ABCG8: variants seen among roughly 807,000 people sequenced by gnomAD.
ABCG8 encodes the protein ATP-binding cassette sub-family G member 8.
ABCG8 carries 81 observed loss-of-function variants against 71.3 expected under a neutral mutation model. That is an observed-to-expected ratio of 1.14 (90% CI 0.95 to 1.37). ABCG8 has a LOEUF of 1.37. Among genes scored for constraint, ABCG8 ranks in the 40% most tolerant of loss-of-function variants. The pLI is 0.00. For synonymous variants in ABCG8, 451 were observed against 354.7 expected, an observed-to-expected ratio of 1.27 and a Z score of -3.05; for missense variants, 1,119 against 866.2, an observed-to-expected ratio of 1.29 and a Z score of -3.66.
Position 43,875,170 on chromosome 2 carries a change from T to C in ABCG8, c.1513T>C (p.Cys505Arg), listed in dbSNP as rs1020921571. 8 of 1,614,132 alleles carry C rather than the reference T, an allele frequency of 5.0e-6. No individual in the cohort carries two copies. The highest frequency in any genetic ancestry group is 6.8e-6 in the Non-Finnish European group (8 of 1,180,056). ...GATCCTCGGGGAGCTTCCGGAGCAC[T>C]GTGCCTACATCATCATCTACGGGAT... ...AKILGELPEH[C>R]AYIIIYGMPT... Residue 505 changes from cysteine to arginine, a missense_variant, in exon 11 of 13, where the codon TGT becomes CGT. By Grantham distance (180) the Cys-to-Arg change is radical. Coordinates refer to ENST00000272286, the MANE Select transcript of ABCG8 (RefSeq NM_022437.3).
rs886056036 is a variant in ABCG8, at chr2:43,875,332, G to T, written c.1675G>T (p.Ala559Ser). Residue 559 changes from alanine (A) to serine (S), a missense_variant, in exon 11 of 13, where the codon GCC becomes TCC. Physicochemically the swap from Ala to Ser is moderately conservative, Grantham distance 99. Transcript: ENST00000272286. ...GGCCCTGCTCCCCACCTTCCACATG[G>T]CCTCCTTCTTCAGCAATGCCCTCTA... ...AAALLPTFHM[A>S]SFFSNALYNS... is the part of the protein sequence containing the mutation. The T allele has an allele frequency of 5.0e-6, 8 of 1,614,112 alleles. No homozygotes were observed. The highest frequency in any genetic ancestry group is 5.9e-6 in the Non-Finnish European group (7 of 1,180,046).
intron 6 of ABCG8, among the ~76,000 whole-genome samples, chr2:43,856,515 G>A (rs10165563): frequency 0.43 from 65,610 of 151,604 alleles, 14,990 homozygotes; most frequent in East Asian, 0.86. Context: ...TGTGGGAAGA[G>A]AACTCTCACT....
At position 43,871,846 on chromosome 2, in the gene ABCG8, G is replaced by C. The variant is rs547266056; in HGVS notation, c.965-130G>C. 11 of 1,336,912 alleles carry C rather than the reference G, an allele frequency of 8.2e-6. No individual in the cohort carries two copies. In the East Asian group the frequency reaches 2.7e-4, roughly 33 times the overall value. 82.8% of individuals were successfully genotyped at this position (1,336,912 alleles called of 1,614,324 possible). A position where few individuals can be genotyped will look rare whatever the true frequency, so the allele number is the denominator to read the frequency against. The stretch of plus-strand genomic sequence containing the variant: ...GCTCTGCCCCTTGCTTCATGGCTGA[G>C]GGTGGGGAGAATGTCCCAGAGCCCC... On this transcript the variant is annotated intron_variant, in intron 6 of 12. Transcript: ENST00000272286.
chr2:43,849,600 G>T (rs1668851944), intron 3 of ABCG8, among the ~76,000 whole-genome samples: 1 of 152,122 alleles, frequency 6.6e-6, no homozygotes, highest in Non-Finnish European at 1.5e-5. Context: ...AGATGCCACA[G>T]GCATCCTCCA....
At chr2:43,861,017 G>A (rs1669298401) in intron 6 of ABCG8, among the ~76,000 whole-genome samples, 1 of 151,334 alleles carries the variant, frequency 6.6e-6, no homozygotes, top group Non-Finnish European at 1.5e-5. Flanking sequence ...CATCTGGTTA[G>A]AATTATCACT....
At chr2:43,863,070 G>T (rs1669385917) in intron 6 of ABCG8, among the ~76,000 whole-genome samples, 1 of 150,136 alleles carries the variant, frequency 6.7e-6, no homozygotes, top group Admixed American at 6.6e-5. Context: ...TATCTATCTT[G>T]ATAGGGTTCT....
chr2:43,852,502 G>T lies in ABCG8; in HGVS notation c.694+16G>T. On this transcript the variant is annotated intron_variant, in intron 5 of 12. Transcript: ENST00000272286. ...TGGAACCCAGGTGAGGGCCTGGGGG[G>T]CAGATGGGGGCAGAGGGACCTGTGC... The T allele has an allele frequency of 1.2e-6, 2 of 1,613,428 alleles. No individual in the cohort carries two copies. Among genetic ancestry groups the T allele is most frequent in the Non-Finnish European group, 1.7e-6 (2 of 1,179,744 alleles).
rs111818129 is a variant in ABCG8 at position 43,880,667 on chromosome 2, C to T, written c.*2754C>T. The T allele has an allele frequency of 4.5e-3, 566 of 126,816 alleles. 5 individuals are homozygous for T. Among genetic ancestry groups the T allele is most frequent in the African/African-American group, 0.014 (489 of 34,324 alleles). The allele number at this position is 126,816 out of a possible 1,614,324, so 7.9% of individuals were successfully genotyped here. A position where few individuals can be genotyped will look rare whatever the true frequency, so the allele number is the denominator to read the frequency against. ...GTTAGGGAGTGTGTGTGTGTGTGCG[C>T]GCGCGCGCGCGCATGTGCATACATA... On this transcript the variant is annotated 3_prime_UTR_variant, in exon 13 of 13. Coordinates refer to ENST00000272286, the MANE Select transcript of ABCG8 (RefSeq NM_022437.3).
rs947116178 is a variant in ABCG8 at position 43,877,958 on chromosome 2, C to A, written c.*45C>A. 10 of 1,613,540 alleles carry A rather than the reference C, an allele frequency of 6.2e-6. No homozygotes were observed. Among genetic ancestry groups the A allele is most frequent in the Non-Finnish European group, 8.5e-6 (10 of 1,179,898 alleles). On this transcript the variant is annotated 3_prime_UTR_variant, in exon 13 of 13. Transcript: ENST00000272286. ...CGCTGGTGGGGGACCTGAGCAGACC[C>A]TTCAACTGCACTCCCTCCTCAGGAG...
Position 43,852,629 on chromosome 2 carries a change from G to T in ABCG8, c.725G>T (p.Gly242Val). ...CTTATTCTCGACGAACCCACCTCTG[G>T]GCTCGACAGCTTCACAGCCCACAAC... The part of the protein sequence containing the change: ...GILILDEPTS[G>V]LDSFTAHNLV... The change falls in exon 6 of 13, where the codon GGG becomes GTG. Residue 242 changes from glycine (G) to valine (V), a missense_variant. Transcript: ENST00000272286. The T allele has an allele frequency of 6.2e-7, 1 of 1,614,132 alleles. No homozygotes were observed. Among genetic ancestry groups the T allele is most frequent in the Non-Finnish European group, 8.5e-7 (1 of 1,180,028 alleles).
chr2:43,872,000 G>T lies in ABCG8; in HGVS notation c.989G>T (p.Arg330Leu). ...FYVDLTSIDR[R>L]SREQELATRE... ...GTGGACCTGACCAGCATTGACAGGC[G>T]CAGCAGAGAGCAGGAATTGGCCACC... is the stretch of plus-strand genomic sequence containing the variant. The change falls in exon 7 of 13, where the codon CGC becomes CTC. Residue 330 changes from arginine (R) to leucine (L), a missense_variant. Arg to Leu is a moderately radical substitution (Grantham distance 102). Transcript: ENST00000272286. The T allele has an allele frequency of 6.2e-7, 1 of 1,614,082 alleles. No individual in the cohort carries two copies. Among genetic ancestry groups the T allele is most frequent in the Non-Finnish European group, 8.5e-7 (1 of 1,180,040 alleles).
At chr2:43,855,909 T>C (rs1669088755) in intron 6 of ABCG8, among the ~76,000 whole-genome samples, 1 of 152,108 alleles carries the variant, frequency 6.6e-6, no homozygotes, top group African/African-American at 2.4e-5. Context: ...ATTCTCACCA[T>C]GTGTATTGAT....
At chr2:43,871,936 G>A (rs778109703) in intron 6 of ABCG8, 40 bp from the exon 7 acceptor site, 3 of 1,613,410 alleles carry the variant, frequency 1.9e-6, no homozygotes, top group Non-Finnish European at 1.7e-6. Context: ...GCAGGTGCCA[G>A]GGAACAGGCC....
chr2:43,848,376 G>T (rs1322199170), intron 3 of ABCG8: 3 of 152,156 alleles, frequency 2.0e-5, no homozygotes, highest in Admixed American at 6.5e-5. Flanking sequence ...GTTGGGTATG[G>T]ACAGGAGCTC....
chr2:43,865,972 T>G (rs1008714379), intron 6 of ABCG8, among the ~76,000 whole-genome samples: 3 of 151,632 alleles, frequency 2.0e-5, no homozygotes, highest in East Asian at 1.9e-4. Context: ...AACCAAAACA[T>G]CATGGTACTG....
At chr2:43,855,450 A>G (rs1014764735) in intron 6 of ABCG8, among the ~76,000 whole-genome samples, 6 of 152,032 alleles carry the variant, frequency 3.9e-5, no homozygotes, top group South Asian at 2.1e-4. Flanking sequence ...CTCCCTCTGC[A>G]TAGGACTGTC....
In ABCG8 at chr2:43,852,367, T is replaced by G. The variant is rs1481454034; in HGVS notation, c.575T>G (p.Ile192Ser). ...TCTGGCCCACAGGTGGAGGACGTGA[T>G]CGCGGAGCTGCGGCTTAGGCAGTGC... Reference protein sequence around the residue: ...AQRDKRVEDVIAELRLRQCAD... With the variant: ...AQRDKRVEDVSAELRLRQCAD... The change falls in exon 5 of 13, where the codon ATC becomes AGC. Residue 192 changes from isoleucine to serine, a missense_variant. Coordinates refer to ENST00000272286, the MANE Select transcript of ABCG8 (RefSeq NM_022437.3). The G allele has an allele frequency of 5.0e-6, 8 of 1,612,070 alleles. No homozygotes were observed. Among genetic ancestry groups the G allele is most frequent in the Middle Eastern group, 2.2e-4 (1 of 4,470 alleles).
intron 11 of ABCG8, 102 bp downstream of exon 11, chr2:43,875,515 C>T: frequency 6.9e-7 from 1 of 1,444,032 alleles, no homozygotes; most frequent in Non-Finnish European, 9.3e-7. Flanking sequence ...TTAGATCCAA[C>T]TCGAGGCTGG....
chr2:43,845,242 C>T (rs1238995234), intron 2 of ABCG8, among the ~76,000 whole-genome samples: 1 of 151,994 alleles, frequency 6.6e-6, no homozygotes, highest in Non-Finnish European at 1.5e-5. Flanking sequence ...TCCATATTCC[C>T]ACAGCTCCCC....
Sources: allele counts gnomAD v4.1 joint callset (sites outside exome capture counted in the v4.1 genomes callset), GRCh38; gene constraint gnomAD v4.1.1; transcripts MANE v1.5; gene names NCBI Gene and HGNC (gene_info 2026-07-23, HGNC 2026-07-21).